CDK14: variants seen among roughly 807,000 people sequenced by gnomAD.
The protein encoded by CDK14 is cyclin dependent kinase 14.
Under a neutral mutation model 60.7 loss-of-function variants are expected in CDK14, and 34 were observed. The ratio of observed to expected loss-of-function variants is 0.56; its 90% CI spans 0.43 to 0.75. CDK14 has a LOEUF of 0.75. CDK14 is among the 30% of genes least tolerant of loss of function. CDK14 has a pLI of 0.00. For missense variants in CDK14, 482 were observed against 564.1 expected, an observed-to-expected ratio of 0.85 and a Z score of 1.47; for synonymous variants, 197 against 203.7, an observed-to-expected ratio of 0.97 and a Z score of 0.28.
intron 2 of CDK14, among the ~76,000 whole-genome samples, chr7:90,611,175 A>G (rs1799531195): frequency 6.6e-6 from 1 of 151,854 alleles, no homozygotes; most frequent in South Asian, 2.1e-4. Context: ...TCCTTTTTCT[A>G]GATACTTTCA....
intron 5 of CDK14, among the ~76,000 whole-genome samples, chr7:90,791,937 C>G (rs961848824): frequency 2.0e-5 from 3 of 148,228 alleles, no homozygotes; most frequent in Non-Finnish European, 4.4e-5. Flanking sequence ...GAATCTTGCT[C>G]TGTCACCCAG....
At chr7:91,134,031 A>G (rs1205573253) in intron 14 of CDK14, among the ~76,000 whole-genome samples, 1 of 152,230 alleles carries the variant, frequency 6.6e-6, no homozygotes, top group Non-Finnish European at 1.5e-5. Context: ...AAGAGGAGCT[A>G]AAGGAGTCCT....
chr7:91,129,046 A>G (rs1229223344), intron 14 of CDK14, among the ~76,000 whole-genome samples: 1 of 152,204 alleles, frequency 6.6e-6, no homozygotes, highest in Non-Finnish European at 1.5e-5. Flanking sequence ...TGGATACTAA[A>G]GAAAAGAAAT....
At chr7:90,650,016 T>A (rs1800596419) in intron 2 of CDK14, among the ~76,000 whole-genome samples, 2 of 152,300 alleles carry the variant, frequency 1.3e-5, no homozygotes, top group African/African-American at 2.4e-5. Context: ...TAGTTCTAGA[T>A]CCTTGAGGAA....
rs544450666 is a variant in CDK14, at chr7:90,772,485, G to A, written c.465-18088G>A. The stretch of plus-strand genomic sequence containing the variant: ...TTTGGGGAGGGACCTTGTGGGAGGC[G>A]ATTGGATCATGTAGGCAGATTTCCC... On this transcript the variant is annotated intron_variant, in intron 4 of 14. Transcript: ENST00000380050. 3.9e-5 allele frequency among the ~76,000 whole-genome samples: 6 copies of A among 152,264 alleles called. No individual in the cohort carries two copies. The South Asian group carries it at 8.3e-4, about 21-fold the overall frequency.
chr7:91,051,091 A>G (rs1797378598), intron 11 of CDK14, among the ~76,000 whole-genome samples: 2 of 152,242 alleles, frequency 1.3e-5, no homozygotes, highest in Admixed American at 1.3e-4. Flanking sequence ...GAAAATATGT[A>G]CAGTAATACA....
intron 4 of CDK14, 95 bp from the exon 5 acceptor site, chr7:90,790,478 G>A (rs965513917): frequency 1.7e-5 from 12 of 726,196 alleles, no homozygotes; most frequent in Non-Finnish European, 2.4e-5. Context: ...TAGCATAAAA[G>A]TGAATTTATT....
At chr7:90,940,200 C>A (rs985055007) in intron 8 of CDK14, among the ~76,000 whole-genome samples, 1 of 152,124 alleles carries the variant, frequency 6.6e-6, no homozygotes, top group African/African-American at 2.4e-5. Flanking sequence ...CAGGCAGTTG[C>A]CTTTACCAGT....
chr7:90,885,646 CAA>C (rs1278688934), intron 6 of CDK14, among the ~76,000 whole-genome samples: 1 of 152,126 alleles, frequency 6.6e-6, no homozygotes, highest in Non-Finnish European at 1.5e-5. Flanking sequence ...TTTACAATAG[CAA>C]AGACAGGGAA....
At chr7:90,963,865 A>T (rs928719786) in intron 9 of CDK14, among the ~76,000 whole-genome samples, 2 of 151,524 alleles carry the variant, frequency 1.3e-5, no homozygotes, top group Non-Finnish European at 2.9e-5. Flanking sequence ...ACAGGCGCCC[A>T]CTACCACGCC....
chr7:90,909,447 A>C (rs999441647), intron 7 of CDK14, among the ~76,000 whole-genome samples: 2 of 112,954 alleles, frequency 1.8e-5, no homozygotes, highest in Non-Finnish European at 3.4e-5. Flanking sequence ...CACCCCCGCA[A>C]CATGCTTCAC....
chr7:91,033,824 T>C (rs1460286845), intron 10 of CDK14, among the ~76,000 whole-genome samples: 2 of 152,238 alleles, frequency 1.3e-5, no homozygotes, highest in South Asian at 2.1e-4. Flanking sequence ...GGGGACTGAG[T>C]CTGAAGCTGT....
intron 9 of CDK14, among the ~76,000 whole-genome samples, chr7:90,962,063 T>C (rs531793647): frequency 6.6e-6 from 1 of 152,344 alleles, no homozygotes; most frequent in Admixed American, 6.5e-5. Flanking sequence ...CATTGCCTAA[T>C]ACAAATTATC....
At chr7:91,016,296 T>C (rs1046417361) in intron 10 of CDK14, among the ~76,000 whole-genome samples, 24 of 152,318 alleles carry the variant, frequency 1.6e-4, no homozygotes, top group African/African-American at 5.3e-4. Context: ...AATCACCCTT[T>C]ACACACGCCT....
intron 2 of CDK14, among the ~76,000 whole-genome samples, chr7:90,649,344 C>T (rs1412349685): frequency 2.0e-5 from 1 of 50,260 alleles, no homozygotes; most frequent in African/African-American, 1.2e-4. Context: ...TTCCTTCCTT[C>T]CTTCCTTCCT....
intron 8 of CDK14, among the ~76,000 whole-genome samples, chr7:90,926,209 G>A (rs1793410567): frequency 6.6e-6 from 1 of 152,158 alleles, no homozygotes; most frequent in Non-Finnish European, 1.5e-5. Context: ...TCAGGTCGAA[G>A]TAAGCCATGC....
chr7:90,934,242 A>C (rs1459745556), intron 8 of CDK14, among the ~76,000 whole-genome samples: 1 of 152,262 alleles, frequency 6.6e-6, no homozygotes, highest in Non-Finnish European at 1.5e-5. Flanking sequence ...TTAGGCCAGG[A>C]CCAGTCCCTG....
At chr7:90,683,610 G>A (rs1353352386) in intron 2 of CDK14, among the ~76,000 whole-genome samples, 1 of 152,196 alleles carries the variant, frequency 6.6e-6, no homozygotes, top group East Asian at 1.9e-4. Flanking sequence ...AGACCAGCCT[G>A]GCCAACATGG....
intron 7 of CDK14, among the ~76,000 whole-genome samples, chr7:90,908,891 G>A (rs2117386460): frequency 1.3e-5 from 2 of 152,186 alleles, no homozygotes; most frequent in East Asian, 3.9e-4. Context: ...TTTACTCCAA[G>A]GCTTTTAAAC....
Sources: allele counts gnomAD v4.1 joint callset (sites outside exome capture counted in the v4.1 genomes callset), GRCh38; gene constraint gnomAD v4.1.1; transcripts MANE v1.5; gene names NCBI Gene and HGNC (gene_info 2026-07-23, HGNC 2026-07-21).